TBCA: variants seen among roughly 807,000 people sequenced by gnomAD.
The protein encoded by TBCA is tubulin folding cofactor A, also known as tubulin-specific chaperone A.
Under a neutral mutation model 15.8 loss-of-function variants are expected in TBCA, and 6 were observed. The ratio of observed to expected loss-of-function variants is 0.38; its 90% CI spans 0.21 to 0.75. The LOEUF is 0.75. Among genes scored for constraint, TBCA ranks in the 30% least tolerant of loss-of-function variants. The pLI, the probability that TBCA is intolerant of heterozygous loss-of-function variation, is 0.46. For missense variants in TBCA, 90 were observed against 131.2 expected, an observed-to-expected ratio of 0.69 and a Z score of 1.53; for synonymous variants, 32 against 42.3, an observed-to-expected ratio of 0.76 and a Z score of 0.94.
chr5:77,716,676 A>G (rs377499426), intron 1 of TBCA, among the ~76,000 whole-genome samples: 152 of 152,330 alleles, frequency 1.0e-3, no homozygotes, highest in African/African-American at 3.4e-3. Flanking sequence ...TAAGTGCCAA[A>G]GAACTGTTAA....
chr5:77,737,403 T>C (rs1282904204), intron 1 of TBCA, among the ~76,000 whole-genome samples: 1 of 152,188 alleles, frequency 6.6e-6, no homozygotes, highest in East Asian at 1.9e-4. Flanking sequence ...TTTTATGTGG[T>C]GGGAATTCTA....
chr5:77,762,230 T>C (rs952713308), intron 1 of TBCA, among the ~76,000 whole-genome samples: 1 of 152,178 alleles, frequency 6.6e-6, no homozygotes, highest in African/African-American at 2.4e-5. Context: ...ATATACCATA[T>C]TGCCCATTTA....
At chr5:77,729,894 T>A (rs182945806) in intron 1 of TBCA, among the ~76,000 whole-genome samples, 75 of 152,328 alleles carry the variant, frequency 4.9e-4, no homozygotes, top group Non-Finnish European at 7.3e-5. Flanking sequence ...CTCTTTAAGA[T>A]ATTTTGTGTT....
In TBCA at chr5:77,732,550, C is replaced by CACAA. The variant is rs1236069449; in HGVS notation, c.54-24204_54-24203insTTGT. 6.5e-4 allele frequency among the ~76,000 whole-genome samples: 58 copies of CACAA among 89,510 alleles called. 3 individuals carry two copies. The highest frequency in any genetic ancestry group is 2.3e-3 in the African/African-American group (51 of 22,296). The allele number at this position is 89,510 out of a possible 152,430, so 58.7% of individuals were successfully genotyped here. Reference sequence around the variant, plus strand: ...TGGGCGACAGAGTGAGACTCTGTCTCAAAAAAAAAAAAAAAAAAAAAAAAA... The same window carrying CACAA: ...TGGGCGACAGAGTGAGACTCTGTCTCACAAAAAAAAAAAAAAAAAAAAAAAAAAA... On this transcript the variant is annotated intron_variant, in intron 1 of 3. Transcript: ENST00000380377.
At chr5:77,714,455 T>C (rs1215577628) in intron 1 of TBCA, among the ~76,000 whole-genome samples, 3 of 152,122 alleles carry the variant, frequency 2.0e-5, no homozygotes, top group African/African-American at 2.4e-5. Flanking sequence ...CAGAAGAAGA[T>C]GGTGCAATCC....
chr5:77,735,133 G>A (rs977853245), intron 1 of TBCA, among the ~76,000 whole-genome samples: 5 of 152,098 alleles, frequency 3.3e-5, no homozygotes, highest in South Asian at 2.1e-4. Flanking sequence ...CTGAACCAGC[G>A]ATATCTCCAA....
intron 1 of TBCA, among the ~76,000 whole-genome samples, chr5:77,727,044 C>T (rs955270474): frequency 1.3e-5 from 2 of 151,462 alleles, no homozygotes; most frequent in African/African-American, 4.9e-5. Context: ...ACAATGTATC[C>T]CTCTTGAAGT....
intron 2 of TBCA, among the ~76,000 whole-genome samples, chr5:77,697,347 TGA>T: frequency 6.6e-6 from 1 of 152,324 alleles, no homozygotes. Context: ...AAATATTTAC[TGA>T]AGTAAGCCAC....
chr5:77,728,713 T>C (rs1426782483), intron 1 of TBCA, among the ~76,000 whole-genome samples: 1 of 152,140 alleles, frequency 6.6e-6, no homozygotes, highest in Non-Finnish European at 1.5e-5. Flanking sequence ...CAAATTTTAA[T>C]AGGGATTCAA....
intron 1 of TBCA, among the ~76,000 whole-genome samples, chr5:77,738,167 G>C (rs770248148): frequency 8.5e-5 from 13 of 152,102 alleles, no homozygotes; most frequent in Non-Finnish European, 1.3e-4. Context: ...ATTTAATGGG[G>C]CTTTTTATTG....
intron 1 of TBCA, among the ~76,000 whole-genome samples, chr5:77,710,488 A>C (rs928446686): frequency 3.3e-5 from 5 of 152,254 alleles, no homozygotes; most frequent in Non-Finnish European, 7.3e-5. Context: ...TGCTTAAATG[A>C]AACCTAAAGA....
chr5:77,730,575 T>A (rs73768437), intron 1 of TBCA, among the ~76,000 whole-genome samples: 10,807 of 80,538 alleles, frequency 0.13, 528 homozygotes, highest in South Asian at 0.2. Flanking sequence ...TTTTTTTTTT[T>A]AGAAATACAT....
chr5:77,733,600 G>A (rs567605926), intron 1 of TBCA, among the ~76,000 whole-genome samples: 1 of 152,280 alleles, frequency 6.6e-6, no homozygotes, highest in African/African-American at 2.4e-5. Flanking sequence ...AGAGGTAAGG[G>A]AGCTGCATAA....
At chr5:77,732,281 T>A (rs1746790185) in intron 1 of TBCA, among the ~76,000 whole-genome samples, 1 of 152,192 alleles carries the variant, frequency 6.6e-6, no homozygotes, top group African/African-American at 2.4e-5. Context: ...TCCTATGAAA[T>A]CATACACAGG....
chr5:77,740,384 G>C (rs1189285498), intron 1 of TBCA, among the ~76,000 whole-genome samples: 2 of 152,140 alleles, frequency 1.3e-5, no homozygotes, highest in East Asian at 3.9e-4. Flanking sequence ...GGGGAGAGTG[G>C]TAGTAATCCA....
intron 1 of TBCA, among the ~76,000 whole-genome samples, chr5:77,726,689 G>C (rs191380859): frequency 1.1e-3 from 164 of 152,176 alleles, no homozygotes; most frequent in African/African-American, 3.6e-3. Context: ...AGTTTGAAGA[G>C]AGTAAAATAT....
chr5:77,699,335 C>T (rs1745952194), intron 2 of TBCA, among the ~76,000 whole-genome samples: 1 of 152,090 alleles, frequency 6.6e-6, no homozygotes, highest in South Asian at 2.1e-4. Context: ...AATAAACACT[C>T]ATTCTTCCCA....
intron 1 of TBCA, among the ~76,000 whole-genome samples, chr5:77,717,853 G>C (rs780160225): frequency 4.0e-5 from 6 of 150,302 alleles, no homozygotes; most frequent in Non-Finnish European, 5.9e-5. Context: ...AAAAAGGCCG[G>C]GGGCAGTGGC....
chr5:77,691,616 C>T (rs1745750580), intron 3 of TBCA, 118 bp from the exon 4 acceptor site: 4 of 1,422,584 alleles, frequency 2.8e-6, no homozygotes, highest in Non-Finnish European at 3.7e-6. Flanking sequence ...GTAAAAAATC[C>T]CAAGCCTCAT....
Sources: allele counts gnomAD v4.1 joint callset (sites outside exome capture counted in the v4.1 genomes callset), GRCh38; gene constraint gnomAD v4.1.1; transcripts MANE v1.5; gene names NCBI Gene and HGNC (gene_info 2026-07-23, HGNC 2026-07-21).